TBL1XR1: variants seen among roughly 807,000 people sequenced by gnomAD.
TBL1XR1 encodes the protein F-box-like/WD repeat-containing protein TBL1XR1.
A neutral mutation model predicts 66.9 loss-of-function variants in TBL1XR1; 5 were observed. The ratio of observed to expected loss-of-function variants is 0.07; its 90% CI spans 0.04 to 0.16. The LOEUF (loss-of-function observed/expected upper bound fraction) is 0.16, where lower values mean the gene tolerates loss of function less well. Among genes scored for constraint, TBL1XR1 ranks in the 10% least tolerant of loss-of-function variants. TBL1XR1 has a pLI of 1.00. For synonymous variants in TBL1XR1, 210 were observed against 206.0 expected (o/e 1.02, Z -0.17); for missense variants, 238 against 623.2 (o/e 0.38, Z 6.58).
At chr3:177,192,455 A>G (rs1393412098) in intron 1 of TBL1XR1, among the ~76,000 whole-genome samples, 2 of 152,058 alleles carry the variant, frequency 1.3e-5, no homozygotes, top group Non-Finnish European at 2.9e-5. Context: ...TGGTGCAAGT[A>G]GGCTTAAGAA....
At chr3:177,147,214 C>T (rs1730361445) in intron 1 of TBL1XR1, among the ~76,000 whole-genome samples, 1 of 151,886 alleles carries the variant, frequency 6.6e-6, no homozygotes. Context: ...GCCCAGCTAA[C>T]ATTTTTGGTT....
intron 1 of TBL1XR1, among the ~76,000 whole-genome samples, chr3:177,129,997 T>C (rs1427033074): frequency 6.6e-6 from 1 of 151,840 alleles, no homozygotes. Context: ...ATACAACAAT[T>C]AGCTGGGCGT....
At position 177,098,605 on chromosome 3, in the gene TBL1XR1, C is replaced by G. The variant is rs937359728; in HGVS notation, c.-121-64G>C. ...AACAAATTCAGTTTAAAAGATTTTC[C>G]ATACCAAATGTTACATGTTTGAAAT... On this transcript the variant is annotated intron_variant, in intron 1 of 15. Coordinates refer to ENST00000457928, the MANE Select transcript of TBL1XR1 (RefSeq NM_024665.7). 3.6e-6 allele frequency: 3 copies of G among 834,948 alleles called. No individual in the cohort carries two copies. The South Asian group carries it at 1.6e-4, about 46-fold the overall frequency. 51.7% of individuals were successfully genotyped at this position (834,948 alleles called of 1,614,324 possible). A position where few individuals can be genotyped will look rare whatever the true frequency, so the allele number is the denominator to read the frequency against.
chr3:177,090,725 C>CT (rs1722722305), intron 2 of TBL1XR1, among the ~76,000 whole-genome samples: 2 of 152,062 alleles, frequency 1.3e-5, no homozygotes, highest in African/African-American at 4.8e-5. Context: ...GCAAGAGAAT[C>CT]ACTTGAAGAA....
intron 1 of TBL1XR1, among the ~76,000 whole-genome samples, chr3:177,153,228 A>G (rs1185790649): frequency 6.6e-6 from 1 of 152,234 alleles, no homozygotes; most frequent in Non-Finnish European, 1.5e-5. Flanking sequence ...GAAGGGGGAA[A>G]CAAAGACTCT....
chr3:177,109,922 GAAGACGTGCCT>G (rs1333333030), intron 1 of TBL1XR1, among the ~76,000 whole-genome samples: 1 of 152,168 alleles, frequency 6.6e-6, no homozygotes, highest in Non-Finnish European at 1.5e-5. Context: ...AATGATGTAT[GAAGACGTGCCT>G]TATATCTTGG....
chr3:177,063,697 AC>A (rs1483315773), intron 3 of TBL1XR1, among the ~76,000 whole-genome samples: 1 of 152,206 alleles, frequency 6.6e-6, no homozygotes, highest in East Asian at 1.9e-4. Context: ...TGCCTTCAGT[AC>A]CAGTCTACCA....
At chr3:177,156,787 C>T (rs536966480) in intron 1 of TBL1XR1, among the ~76,000 whole-genome samples, 45 of 152,136 alleles carry the variant, frequency 3.0e-4, no homozygotes, top group South Asian at 6.2e-4. Context: ...TAGAATATAG[C>T]TCAAAGCTGG....
intron 1 of TBL1XR1, among the ~76,000 whole-genome samples, chr3:177,108,118 C>A (rs938104948): frequency 4.6e-5 from 7 of 151,750 alleles, no homozygotes; most frequent in African/African-American, 1.7e-4. Context: ...TCTACAGATC[C>A]AGGATAAAGC....
intron 1 of TBL1XR1, among the ~76,000 whole-genome samples, chr3:177,159,092 A>C (rs369551717): frequency 6.6e-6 from 1 of 152,150 alleles, no homozygotes; most frequent in Non-Finnish European, 1.5e-5. Flanking sequence ...TTTTATTTTT[A>C]ATTCCTGCAG....
intron 1 of TBL1XR1, among the ~76,000 whole-genome samples, chr3:177,123,193 A>T (rs941337404): frequency 3.3e-5 from 5 of 152,154 alleles, no homozygotes; most frequent in South Asian, 2.1e-4. Flanking sequence ...TAGTTTTTTT[A>T]AAAATGTACA....
chr3:177,030,204 C>T (rs1387130736), intron 14 of TBL1XR1, among the ~76,000 whole-genome samples: 1 of 151,444 alleles, frequency 6.6e-6, no homozygotes, highest in Middle Eastern at 3.2e-3. Context: ...CACAAGAAAA[C>T]GTGGATGGAT....
chr3:177,038,187 A>C lies in TBL1XR1; in HGVS notation c.1048-15T>G. 10 of 1,612,228 alleles carry C rather than the reference A, an allele frequency of 6.2e-6. No homozygotes were observed. Among genetic ancestry groups the C allele is most frequent in the Non-Finnish European group, 8.5e-6 (10 of 1,178,780 alleles). On this transcript the variant is annotated splice_polypyrimidine_tract_variant and intron_variant, in intron 11 of 15. Coordinates refer to ENST00000457928, the MANE Select transcript of TBL1XR1 (RefSeq NM_024665.7). Reference sequence around the variant, plus strand: ...TTTACTTCATTCTAAAAATAATAGTAAATATTCACATTTTCATTGTATAGA... The same window carrying C: ...TTTACTTCATTCTAAAAATAATAGTCAATATTCACATTTTCATTGTATAGA...
intron 2 of TBL1XR1, among the ~76,000 whole-genome samples, chr3:177,074,292 C>T (rs1157376827): frequency 1.3e-5 from 2 of 152,200 alleles, no homozygotes; most frequent in African/African-American, 4.8e-5. Flanking sequence ...TCTACACTCA[C>T]ACTGCTATTC....
Position 177,057,673 on chromosome 3 carries a change from T to C in TBL1XR1, c.59-3755A>G, listed in dbSNP as rs539036007. Among the ~76,000 whole-genome samples the C allele has an allele frequency of 5.3e-5, 8 of 152,252 alleles. No individual in the cohort carries two copies. The East Asian group carries it at 1.4e-3, about 26-fold the overall frequency. On this transcript the variant is annotated intron_variant, in intron 3 of 15. Coordinates refer to ENST00000457928, the MANE Select transcript of TBL1XR1 (RefSeq NM_024665.7). ...CAGGGACAGCTTTTGATTTATATAA[T>C]AGGAGGCAAAAGAGACCACCTAAAT...
chr3:177,101,982 A>T (rs1276993603), intron 1 of TBL1XR1, among the ~76,000 whole-genome samples: 1 of 141,798 alleles, frequency 7.1e-6, no homozygotes, highest in African/African-American at 2.5e-5. Context: ...CTTTGAAATG[A>T]ACATAAATAA....
intron 1 of TBL1XR1, among the ~76,000 whole-genome samples, chr3:177,127,317 C>T (rs1274753860): frequency 6.6e-6 from 1 of 152,142 alleles, no homozygotes; most frequent in African/African-American, 2.4e-5. Context: ...TTAAAATTAT[C>T]TGTAATTCTC....
At chr3:177,130,216 A>C (rs973287886) in intron 1 of TBL1XR1, among the ~76,000 whole-genome samples, 3 of 152,112 alleles carry the variant, frequency 2.0e-5, no homozygotes, top group African/African-American at 7.2e-5. Context: ...TTTGACCGTG[A>C]AATTCTACTG....
rs183756663 is a variant in TBL1XR1, at chr3:177,137,138, A to G, written c.-121-38597T>C. Among the ~76,000 whole-genome samples, 441 of 151,498 alleles carry G rather than the reference A, an allele frequency of 2.9e-3. 1 individual carries two copies. The highest frequency in any genetic ancestry group is 6.9e-3 in the Admixed American group (104 of 15,138). On this transcript the variant is annotated intron_variant, in intron 1 of 15. Transcript: ENST00000457928. Reference sequence around the variant, plus strand: ...TAAAATTAAAATGTTATGGGGGGGGAAAGATGACTGATTAATTCTTCTAAG... The same window carrying G: ...TAAAATTAAAATGTTATGGGGGGGGGAAGATGACTGATTAATTCTTCTAAG...
Sources: allele counts gnomAD v4.1 joint callset (sites outside exome capture counted in the v4.1 genomes callset), GRCh38; gene constraint gnomAD v4.1.1; transcripts MANE v1.5; gene names NCBI Gene and HGNC (gene_info 2026-07-23, HGNC 2026-07-21).